Variants in PRCD observed in about 807,000 individuals in gnomAD.
PRCD encodes photoreceptor disk component PRCD.
A neutral mutation model predicts 10.1 loss-of-function variants in PRCD; 12 were observed. The observed-to-expected ratio is 1.18, with a 90% CI of 0.76 to 1.92. The LOEUF (loss-of-function observed/expected upper bound fraction) is 1.92. Among genes scored for constraint, PRCD ranks in the 40% most tolerant of loss-of-function variants. The pLI, the probability that PRCD is intolerant of heterozygous loss-of-function variation, is 0.00. For synonymous variants in PRCD, 31 were observed against 26.2 expected (o/e 1.18, Z -0.56); for missense variants, 61 against 72.2 (o/e 0.84, Z 0.56).
intron 1 of PRCD, chr17:76,551,255 C>T (rs1217516391): frequency 1.3e-5 from 2 of 152,200 alleles, no homozygotes; most frequent in Non-Finnish European, 2.9e-5. Context: ...TATGCAACAG[C>T]TGTGAGAAGG....
chr17:76,528,226 C>T lies in PRCD; in HGVS notation n.45+393C>T, dbSNP rs982844157. The T allele has an allele frequency of 2.8e-4, 112 of 398,402 alleles. 2 individuals carry two copies. Among genetic ancestry groups the T allele is most frequent in the Non-Finnish European group, 1.4e-4 (31 of 226,478 alleles). 24.7% of individuals were successfully genotyped at this position (398,402 alleles called of 1,614,324 possible). ...CTCTAGATGGTGATGTGGAGACCTG[C>T]ATGCTGGCCGGGCTGATAGAAACGG... is the stretch of plus-strand genomic sequence containing the variant. On this transcript the variant is annotated intron_variant and non_coding_transcript_variant, in intron 1 of 4. Transcript: ENST00000397633. This position sits in a 1 kb window ranked among gnomAD's most constrained non-coding sequence, Gnocchi z 5.8.
At position 76,528,521 on chromosome 17, in the gene PRCD, T is replaced by G. The variant is rs1456743059; in HGVS notation, n.45+688T>G. 7.9e-7 allele frequency: 1 copy of G among 1,265,008 alleles called. No individual in the cohort carries two copies. Among genetic ancestry groups the G allele is most frequent in the African/African-American group, 1.6e-5 (1 of 64,444 alleles). 78.4% of individuals were successfully genotyped at this position (1,265,008 alleles called of 1,614,324 possible). A position where few individuals can be genotyped will look rare whatever the true frequency, so the allele number is the denominator to read the frequency against. On this transcript the variant is annotated intron_variant and non_coding_transcript_variant, in intron 1 of 4. Transcript: ENST00000397633. The surrounding 1 kb of genome is among the most constrained non-coding windows in gnomAD (Gnocchi z 5.8). ...AGAAATGGAGCGTCAAGGAGGGTCTTCAGAACTCGGCCTTCTGCTCGAGGT... is the reference window on the plus strand; with the variant it reads ...AGAAATGGAGCGTCAAGGAGGGTCTGCAGAACTCGGCCTTCTGCTCGAGGT...
chr17:76,542,657 G>A (rs1312381567), intron 3 of PRCD, 24 bp downstream of exon 3: 7 of 1,471,480 alleles, frequency 4.8e-6, no homozygotes, highest in Non-Finnish European at 5.7e-6. Context: ...GGGAGCCGGG[G>A]AGGGCAGAGG....
chr17:76,536,718 G>A (rs2074917586), upstream of PRCD, among the ~76,000 whole-genome samples: 1 of 152,092 alleles, frequency 6.6e-6, no homozygotes, highest in African/African-American at 2.4e-5. Flanking sequence ...GAGGTTTTAG[G>A]GTTAGGCCCT....
chr17:76,547,565 T>C (rs1050346540), downstream of PRCD, among the ~76,000 whole-genome samples: 1 of 152,054 alleles, frequency 6.6e-6, no homozygotes, highest in Admixed American at 6.6e-5. Flanking sequence ...AGAAAATTTT[T>C]AAAAATTTAC....
rs1212393995 is a variant in PRCD at position 76,544,126 on chromosome 17, C to T, written c.*476C>T. On this transcript the variant is annotated 3_prime_UTR_variant, in exon 5 of 5. Transcript: ENST00000592014. ...ATAAAAGCAGATTTCCGCTTCTGCT[C>T]CCAGATCCAGGAGCAGACCCTGCAG... 2 of 454,486 alleles carry T rather than the reference C, an allele frequency of 4.4e-6. No homozygotes were observed. Among genetic ancestry groups the T allele is most frequent in the African/African-American group, 4.0e-5 (2 of 49,998 alleles). 28.2% of individuals were successfully genotyped at this position (454,486 alleles called of 1,614,324 possible). A position where few individuals can be genotyped will look rare whatever the true frequency, so the allele number is the denominator to read the frequency against.
At chr17:76,545,736 G>T (rs963991159), downstream of PRCD, 1 of 240,952 alleles carries the variant, frequency 4.2e-6, no homozygotes, top group Non-Finnish European at 8.3e-6. Context: ...ATTAGATAAC[G>T]TGTGGAAGAT....
rs1284386796 is a variant in PRCD, at chr17:76,552,873, AAAAAAAAAATATATATATATATAT to A, written n.84-230_84-207del. The A allele has an allele frequency of 1.8e-3, 227 of 125,640 alleles. 1 individual carries two copies. The highest frequency in any genetic ancestry group is 5.0e-3 in the African/African-American group (144 of 28,530). 7.8% of individuals were successfully genotyped at this position (125,640 alleles called of 1,614,324 possible). ...GAGCAAAGCTCTGTCTCAAAAAAAA[AAAAAAAAAATATATATATATATAT>A]AAAAATATATATATATAAAACATGT... is the stretch of plus-strand genomic sequence containing the variant. On this transcript the variant is annotated intron_variant and non_coding_transcript_variant, in intron 1 of 1. Coordinates refer to the PRCD transcript ENST00000587063.
Position 76,540,257 on chromosome 17 carries a change from G to C in PRCD, c.74+42G>C, listed in dbSNP as rs78529481. ...GCTATGGCTGGCGGTTGGTCGGGGG[G>C]GGGGGGCATGGGGCTGGGCTGCCAC... On this transcript the variant is annotated intron_variant, in intron 1 of 4. Transcript: ENST00000592014. The surrounding 1 kb of genome is among the most constrained non-coding windows in gnomAD (Gnocchi z 5.0). 2.7e-5 allele frequency: 31 copies of C among 1,159,346 alleles called. 1 individual carries two copies. The South Asian group carries it at 2.8e-4, about 10-fold the overall frequency. The allele number at this position is 1,159,346 out of a possible 1,614,324, so 71.8% of individuals were successfully genotyped here.
chr17:76,528,214 T>C lies in PRCD; in HGVS notation n.45+381T>C, dbSNP rs1413422944. 1.3e-5 allele frequency: 5 copies of C among 398,120 alleles called. No homozygotes were observed. The highest frequency in any genetic ancestry group is 2.2e-5 in the Non-Finnish European group (5 of 226,452). The allele number at this position is 398,120 out of a possible 1,614,324, so 24.7% of individuals were successfully genotyped here. On this transcript the variant is annotated intron_variant and non_coding_transcript_variant, in intron 1 of 4. Transcript: ENST00000397633. This position sits in a 1 kb window ranked among gnomAD's most constrained non-coding sequence, Gnocchi z 5.8. The stretch of plus-strand genomic sequence containing the variant: ...GTGTGCGTGATACTCTAGATGGTGA[T>C]GTGGAGACCTGCATGCTGGCCGGGC...
At chr17:76,550,049 G>C (rs916989459), downstream of PRCD, 1 of 151,926 alleles carries the variant, frequency 6.6e-6, no homozygotes, top group Non-Finnish European at 1.5e-5. Context: ...TCCACCTCCT[G>C]AGTTCAAGCA....
chr17:76,545,501 G>A (rs934331239), downstream of PRCD: 3 of 396,726 alleles, frequency 7.6e-6, no homozygotes, highest in Non-Finnish European at 1.5e-5. Context: ...GGAGAGCTGA[G>A]CCAAAGGGTG....
chr17:76,537,481 T>G, upstream of PRCD: 1 of 1,592,088 alleles, frequency 6.3e-7, no homozygotes. Flanking sequence ...CCTCTCCGCC[T>G]CGGACAGCTC....
At chr17:76,538,032 G>A (rs953775260), upstream of PRCD, 3 of 152,060 alleles carry the variant, frequency 2.0e-5, no homozygotes, top group East Asian at 5.8e-4. Flanking sequence ...GAGTGCGCTG[G>A]GGCGGGCGCG....
chr17:76,539,978 G>A, upstream of PRCD: 2 of 702,050 alleles, frequency 2.8e-6, no homozygotes, highest in African/African-American at 1.8e-5. Flanking sequence ...TCCTCACAAG[G>A]TCGGGGCCGC....
upstream of PRCD, chr17:76,538,241 C>T (rs1189339165): frequency 3.2e-5 from 6 of 187,306 alleles, no homozygotes; most frequent in African/African-American, 1.2e-4. Context: ...TCCCCTCGCC[C>T]GGGCCTCTCC....
chr17:76,545,061 G>A lies in PRCD; in HGVS notation c.*1411G>A, dbSNP rs773610638. 2.2e-5 allele frequency: 10 copies of A among 451,506 alleles called. No individual in the cohort carries two copies. Among genetic ancestry groups the A allele is most frequent in the Non-Finnish European group, 3.6e-5 (8 of 223,964 alleles). 28.0% of individuals were successfully genotyped at this position (451,506 alleles called of 1,614,324 possible). A position where few individuals can be genotyped will look rare whatever the true frequency, so the allele number is the denominator to read the frequency against. On this transcript the variant is annotated 3_prime_UTR_variant, in exon 5 of 5. Transcript: ENST00000592014. ...GCTGGGGTGCCATGTGGGCCGGGTG[G>A]GGGGGCTGTCTCCCCCAGGGAGCAG...
chr17:76,532,659 G>A (rs2074860964), intron 1 of PRCD, among the ~76,000 whole-genome samples: 1 of 151,286 alleles, frequency 6.6e-6, no homozygotes, highest in Non-Finnish European at 1.5e-5. Flanking sequence ...AGCTTCCTGA[G>A]TAGCTGGGAC....
chr17:76,535,059 G>C (rs1447567284), upstream of PRCD, among the ~76,000 whole-genome samples: 1 of 152,270 alleles, frequency 6.6e-6, no homozygotes, highest in East Asian at 1.9e-4. Context: ...GAAGGTGTCA[G>C]AGTTACAACC....
Sources: gnomAD v4.1 joint callset for allele counts (sites outside exome capture counted in the v4.1 genomes callset) on GRCh38, gnomAD v4.1.1 for gene constraint, Gnocchi (gnomAD v3.1) non-coding constraint, MANE v1.5 for transcripts, NCBI Gene and HGNC (gene_info 2026-07-23, HGNC 2026-07-21) for gene names.